The following RORA variants were observed in gnomAD, a reference collection of about 807,000 sequenced individuals.
The protein encoded by RORA is RAR related orphan receptor A, also known as nuclear receptor ROR-alpha.
In RORA, 7 loss-of-function variants were observed where a neutral mutation model predicts 69.5. The ratio of observed to expected loss-of-function variants is 0.10; its 90% CI spans 0.06 to 0.19. RORA has a LOEUF of 0.19. Among genes scored for constraint, RORA ranks in the 10% least tolerant of loss-of-function variants. RORA has a pLI of 1.00. For synonymous variants in RORA, 261 were observed against 240.8 expected (o/e 1.08, Z -0.78); for missense variants, 457 against 663.0 (o/e 0.69, Z 3.41).
At chr15:60,827,743 T>A (rs1428921243) in intron 1 of RORA, among the ~76,000 whole-genome samples, 1 of 152,210 alleles carries the variant, frequency 6.6e-6, no homozygotes, top group Non-Finnish European at 1.5e-5. Flanking sequence ...GCCAGCTGCA[T>A]GTATGGATGT....
intron 1 of RORA, among the ~76,000 whole-genome samples, chr15:61,115,299 A>G (rs1353098677): frequency 6.6e-6 from 1 of 152,088 alleles, no homozygotes; most frequent in East Asian, 1.9e-4. Flanking sequence ...AAATGTAAAT[A>G]GGAGCCACAT....
At chr15:60,673,907 G>A (rs965926067) in intron 2 of RORA, among the ~76,000 whole-genome samples, 1 of 152,194 alleles carries the variant, frequency 6.6e-6, no homozygotes, top group African/African-American at 2.4e-5. Context: ...CTGCCAACAA[G>A]CTTGCTGTCT....
At chr15:61,142,149 T>C (rs141921421) in intron 1 of RORA, among the ~76,000 whole-genome samples, 6 of 10,488 alleles carry the variant, frequency 5.7e-4, no homozygotes, top group African/African-American at 7.3e-4. Flanking sequence ...TTTATAAAGT[T>C]TTTTTTTTTA....
intron 1 of RORA, among the ~76,000 whole-genome samples, chr15:61,164,722 G>C (rs146829621): frequency 3.3e-5 from 5 of 151,990 alleles, no homozygotes; most frequent in African/African-American, 1.2e-4. Flanking sequence ...ACTATGTTCT[G>C]TACCAGATCT....
At chr15:60,576,199 T>C (rs1297787886) in intron 2 of RORA, among the ~76,000 whole-genome samples, 2 of 152,256 alleles carry the variant, frequency 1.3e-5, no homozygotes, top group Non-Finnish European at 2.9e-5. Flanking sequence ...ACAGTGAGTA[T>C]GCTTCAGCCT....
At chr15:61,086,814 C>T (rs1366326216) in intron 1 of RORA, among the ~76,000 whole-genome samples, 3 of 151,938 alleles carry the variant, frequency 2.0e-5, no homozygotes, top group Non-Finnish European at 4.4e-5. Flanking sequence ...AACAGCCAAA[C>T]TCATTTGTTT....
intron 1 of RORA, among the ~76,000 whole-genome samples, chr15:60,968,261 G>C (rs1005738453): frequency 6.6e-6 from 1 of 152,158 alleles, no homozygotes; most frequent in African/African-American, 2.4e-5. Flanking sequence ...AAGGGCACTT[G>C]GGAGCAAATA....
intron 1 of RORA, among the ~76,000 whole-genome samples, chr15:60,974,637 C>A (rs1194954573): frequency 1.3e-5 from 2 of 152,206 alleles, no homozygotes; most frequent in African/African-American, 4.8e-5. Context: ...TCCACGTGCA[C>A]TGAGTCTGTG....
chr15:60,578,794 C>T (rs1467863112), intron 2 of RORA, among the ~76,000 whole-genome samples: 7 of 146,358 alleles, frequency 4.8e-5, no homozygotes, highest in East Asian at 2.0e-4. Context: ...GACAGAGTCT[C>T]GCTCTGTTGC....
intron 1 of RORA, among the ~76,000 whole-genome samples, chr15:60,874,389 G>C (rs953870442): frequency 2.0e-5 from 3 of 152,162 alleles, no homozygotes; most frequent in African/African-American, 7.2e-5. Flanking sequence ...TTCCAACTTT[G>C]TAGGGTTACA....
chr15:61,105,001 C>CA (rs544688980), intron 1 of RORA, among the ~76,000 whole-genome samples: 263 of 143,548 alleles, frequency 1.8e-3, no homozygotes, highest in African/African-American at 6.3e-3. Context: ...AGGCGCCCCC[C>CA]CCACCGCCCA....
intron 1 of RORA, among the ~76,000 whole-genome samples, chr15:61,075,059 C>T (rs964929811): frequency 6.6e-6 from 1 of 151,352 alleles, no homozygotes; most frequent in African/African-American, 2.4e-5. Context: ...TGCACTCCAG[C>T]CTGGGTGACA....
At position 61,079,044 on chromosome 15, in the gene RORA, C is replaced by A. The variant is rs191874021; in HGVS notation, c.166+150009G>T. On this transcript the variant is annotated intron_variant, in intron 1 of 10. Transcript: ENST00000335670. ...TGATTAAATGACTAAGTCCACATGC[C>A]TCCCACTCTGCCTTCTTAGCTTCAC... Among the ~76,000 whole-genome samples the A allele has an allele frequency of 2.9e-3, 438 of 152,176 alleles. 3 individuals carry two copies. Among genetic ancestry groups the A allele is most frequent in the Middle Eastern group, 6.8e-3 (2 of 294 alleles).
chr15:60,504,714 G>A (rs2141282187), intron 6 of RORA, among the ~76,000 whole-genome samples: 2 of 152,300 alleles, frequency 1.3e-5, no homozygotes, highest in Middle Eastern at 3.4e-3. Flanking sequence ...GGCAAACAAA[G>A]CAATGTGTTG....
In RORA at chr15:60,575,859, T is replaced by C. The variant is rs2068009527; in HGVS notation, c.197-44008A>G. On this transcript the variant is annotated intron_variant, in intron 2 of 10. Transcript: ENST00000335670. Reference sequence around the variant, plus strand: ...TTTTACTTCAAAGAGAATAATTATCTTACACTTCTGTTTCCCAAATTGGAA... The same window carrying C: ...TTTTACTTCAAAGAGAATAATTATCCTACACTTCTGTTTCCCAAATTGGAA... Among the ~76,000 whole-genome samples the C allele has an allele frequency of 2.6e-5, 4 of 152,388 alleles. No homozygotes were observed. The South Asian group carries it at 8.3e-4, about 32-fold the overall frequency.
intron 1 of RORA, among the ~76,000 whole-genome samples, chr15:60,737,356 G>C (rs1252556827): frequency 6.6e-6 from 1 of 152,186 alleles, no homozygotes; most frequent in African/African-American, 2.4e-5. Flanking sequence ...AGTAATTGCA[G>C]GATGGTGCTC....
At position 60,946,539 on chromosome 15, in the gene RORA, G is replaced by A. The variant is rs939856292; in HGVS notation, c.167-267853C>T. Among the ~76,000 whole-genome samples, 24 of 152,210 alleles carry A rather than the reference G, an allele frequency of 1.6e-4. No individual in the cohort carries two copies. The East Asian group carries it at 1.9e-3, about 12-fold the overall frequency. On this transcript the variant is annotated intron_variant, in intron 1 of 10. Transcript: ENST00000335670. ...CCAGCTTCGGCCTCCCGAGTTGCCG[G>A]GATTGCAGACGGAGTCTCATTCACT...
At chr15:60,655,972 C>G (rs1014888777) in intron 2 of RORA, among the ~76,000 whole-genome samples, 1 of 152,170 alleles carries the variant, frequency 6.6e-6, no homozygotes, top group Non-Finnish European at 1.5e-5. Flanking sequence ...TGTACAATAA[C>G]TTCTCACTTT....
chr15:60,950,905 C>T (rs62005586), intron 1 of RORA, among the ~76,000 whole-genome samples: 13 of 144,236 alleles, frequency 9.0e-5, no homozygotes, highest in South Asian at 2.4e-4. Flanking sequence ...ACAAGGATAC[C>T]CAGGAATTGA....
Sources: allele counts gnomAD v4.1 joint callset (sites outside exome capture counted in the v4.1 genomes callset), GRCh38; gene constraint gnomAD v4.1.1; transcripts MANE v1.5; gene names NCBI Gene and HGNC (gene_info 2026-07-23, HGNC 2026-07-21).